Variants in SNX29 observed in about 807,000 individuals in gnomAD.
SNX29 encodes sorting nexin-29.
A neutral mutation model predicts 102.1 loss-of-function variants in SNX29; 78 were observed. The ratio of observed to expected loss-of-function variants is 0.76; its 90% CI spans 0.64 to 0.92. The LOEUF is 0.92. Ranked by LOEUF, SNX29 falls within the 40% of genes least tolerant of loss-of-function variation. The pLI is 0.00. For missense variants in SNX29, 1,280 were observed against 1,061.7 expected, an observed-to-expected ratio of 1.21 and a Z score of -2.86; for synonymous variants, 580 against 414.5, an observed-to-expected ratio of 1.40 and a Z score of -4.85.
At chr16:12,492,899 T>G (rs2088622529) in intron 19 of SNX29, among the ~76,000 whole-genome samples, 1 of 152,218 alleles carries the variant, frequency 6.6e-6, no homozygotes, top group African/African-American at 2.4e-5. Flanking sequence ...TATTTCTGTT[T>G]TGGTACCAGT....
chr16:12,122,556 C>T (rs1204131314), intron 11 of SNX29, among the ~76,000 whole-genome samples: 1 of 152,126 alleles, frequency 6.6e-6, no homozygotes, highest in Non-Finnish European at 1.5e-5. Context: ...GGGAAACAGC[C>T]TGTGCCAAGA....
intron 20 of SNX29, among the ~76,000 whole-genome samples, chr16:12,539,828 C>T (rs1040846012): frequency 4.6e-5 from 7 of 152,188 alleles, no homozygotes; most frequent in Admixed American, 1.3e-4. Context: ...TTTAACACAT[C>T]CTCTTTGGGG....
intron 3 of SNX29, among the ~76,000 whole-genome samples, chr16:12,010,089 T>C (rs1248334973): frequency 6.6e-6 from 1 of 152,228 alleles, no homozygotes; most frequent in Non-Finnish European, 1.5e-5. Flanking sequence ...AACTCTGAAA[T>C]GGGTAGTATA....
chr16:12,518,044 G>A (rs374959837), intron 19 of SNX29, among the ~76,000 whole-genome samples: 33 of 152,204 alleles, frequency 2.2e-4, no homozygotes, highest in African/African-American at 3.9e-4. Context: ...TTAGCAAGGC[G>A]TGCTGCGGCC....
intron 2 of SNX29, 107 bp from the exon 3 acceptor site, chr16:12,002,884 T>C (rs1204789622): frequency 3.2e-6 from 4 of 1,246,312 alleles, no homozygotes; most frequent in African/African-American, 1.5e-5. Flanking sequence ...GCAGAGCTTC[T>C]GGTCCCGTGT....
intron 20 of SNX29, among the ~76,000 whole-genome samples, chr16:12,555,100 CAG>C (rs1438040930): frequency 6.8e-6 from 1 of 146,720 alleles, no homozygotes; most frequent in Non-Finnish European, 1.5e-5. Flanking sequence ...AAGGGCCAAT[CAG>C]GGACAATCTC....
intron 20 of SNX29, among the ~76,000 whole-genome samples, chr16:12,537,941 T>A (rs1281619134): frequency 6.8e-6 from 1 of 147,692 alleles, no homozygotes; most frequent in East Asian, 2.0e-4. Context: ...GCTGAGATCG[T>A]GCCACTGCAC....
At chr16:12,399,115 A>G (rs62027026) in intron 17 of SNX29, among the ~76,000 whole-genome samples, 54,937 of 151,982 alleles carry the variant, frequency 0.36, 11,191 homozygotes, top group East Asian at 0.58. Flanking sequence ...CAGTGGCACG[A>G]TCTCGGCTCA....
intron 8 of SNX29, among the ~76,000 whole-genome samples, chr16:12,058,797 GTTTTTTT>G (rs34150245): frequency 7.0e-5 from 8 of 113,744 alleles, no homozygotes; most frequent in African/African-American, 2.7e-4. Flanking sequence ...CCCGGCCTGG[GTTTTTTT>G]TTTTTTTTTT....
intron 20 of SNX29, among the ~76,000 whole-genome samples, chr16:12,552,780 C>T (rs970242243): frequency 6.6e-6 from 1 of 152,216 alleles, no homozygotes; most frequent in Non-Finnish European, 1.5e-5. Context: ...CATCTCAGCT[C>T]TGGGCTTTCA....
rs2079203057 is a variant in SNX29, at chr16:12,572,245, G to A, written c.*3616G>A. The A allele has an allele frequency of 8.6e-6, 9 of 1,047,072 alleles. No individual in the cohort carries two copies. The highest frequency in any genetic ancestry group is 5.4e-5 in the Admixed American group (1 of 18,644). 64.9% of individuals were successfully genotyped at this position (1,047,072 alleles called of 1,614,324 possible). On this transcript the variant is annotated 3_prime_UTR_variant, in exon 21 of 21. Coordinates refer to ENST00000566228, the MANE Select transcript of SNX29 (RefSeq NM_032167.5). Reference sequence around the variant, plus strand: ...CTCCTGAAAGTCGTTTACACCAGGTGGATTGATACCATGGCTGTAGCTGAT... The same window carrying A: ...CTCCTGAAAGTCGTTTACACCAGGTAGATTGATACCATGGCTGTAGCTGAT...
At chr16:12,562,661 G>A (rs376279959) in intron 20 of SNX29, among the ~76,000 whole-genome samples, 42 of 152,300 alleles carry the variant, frequency 2.8e-4, no homozygotes, top group South Asian at 4.1e-4. Flanking sequence ...TTTATGTCGG[G>A]AAAGTCTAGA....
At chr16:12,207,405 C>G (rs1238735387) in intron 14 of SNX29, among the ~76,000 whole-genome samples, 1 of 152,130 alleles carries the variant, frequency 6.6e-6, no homozygotes, top group East Asian at 1.9e-4. Context: ...ACCAGGGAGG[C>G]TCAATGGGAG....
At chr16:12,088,192 A>G (rs1422982186) in intron 11 of SNX29, 1 of 447,170 alleles carries the variant, frequency 2.2e-6, no homozygotes, top group Non-Finnish European at 4.5e-6. Context: ...AAAGCTAGAG[A>G]GAGACAGGAG....
intron 3 of SNX29, among the ~76,000 whole-genome samples, chr16:12,022,265 A>G (rs1295440644): frequency 1.3e-5 from 2 of 151,068 alleles, no homozygotes; most frequent in Admixed American, 6.6e-5. Flanking sequence ...CAGTGGCACA[A>G]TCTCAGCTCA....
At chr16:12,053,973 GT>G (rs963096658) in intron 8 of SNX29, among the ~76,000 whole-genome samples, 20 of 145,104 alleles carry the variant, frequency 1.4e-4, no homozygotes, top group South Asian at 2.2e-4. Context: ...GTCAGTTTTT[GT>G]TTTTTTTTTT....
At chr16:12,525,775 A>G in intron 20 of SNX29, among the ~76,000 whole-genome samples, 1 of 148,660 alleles carries the variant, frequency 6.7e-6, no homozygotes, top group East Asian at 2.0e-4. Flanking sequence ...GCTGTTTTCA[A>G]GAAAGCTAAT....
intron 13 of SNX29, among the ~76,000 whole-genome samples, chr16:12,157,491 T>G (rs181590323): frequency 6.6e-6 from 1 of 152,298 alleles, no homozygotes. Context: ...TTCCTGGGTG[T>G]CCTGCTCTCC....
chr16:12,442,992 C>A (rs1291513911), intron 18 of SNX29: 1 of 455,218 alleles, frequency 2.2e-6, no homozygotes, highest in East Asian at 7.0e-5. Context: ...GATTTTTTTC[C>A]AGCTATTTAA....
Sources: allele counts gnomAD v4.1 joint callset (sites outside exome capture counted in the v4.1 genomes callset), GRCh38; gene constraint gnomAD v4.1.1; transcripts MANE v1.5; gene names NCBI Gene and HGNC (gene_info 2026-07-23, HGNC 2026-07-21).